CELSR1: variants seen among roughly 807,000 people sequenced by gnomAD.
CELSR1 encodes adhesion G protein-coupled receptor C1.
In CELSR1, 110 loss-of-function variants were observed where a neutral mutation model predicts 249.1. The observed-to-expected ratio is 0.44, with a 90% CI of 0.38 to 0.52. The LOEUF (loss-of-function observed/expected upper bound fraction) is 0.52. CELSR1 is among the 20% of genes least tolerant of loss of function. CELSR1 has a pLI of 0.00. For missense variants in CELSR1, 4,109 were observed against 4,296.4 expected, an observed-to-expected ratio of 0.96 and a Z score of 1.22; for synonymous variants, 2,113 against 1,900.0, an observed-to-expected ratio of 1.11 and a Z score of -2.92.
chr22:46,367,744 G>A lies in CELSR1; in HGVS notation c.8064C>T (p.Ile2688=), dbSNP rs1286309902. The part of the protein sequence containing the change: ...DALSFHYLFA[I]FSGLQGPFVL... ...CGTCACCTACCTGTAAGCCGCTGAA[G>A]ATGGCGAAGAGGTAGTGAAAGCTCA... Residue 2688 remains isoleucine (I), a synonymous_variant, in exon 28 of 35, where the codon ATC becomes ATT. Coordinates refer to ENST00000674500, the MANE Select transcript of CELSR1 (RefSeq NM_001378328.1). The A allele has an allele frequency of 1.9e-6, 3 of 1,603,092 alleles. No individual in the cohort carries two copies. In the South Asian group the frequency reaches 3.4e-5, roughly 18 times the overall value.
At chr22:46,469,408 CT>C (rs1484320231) in intron 1 of CELSR1, among the ~76,000 whole-genome samples, 1 of 152,238 alleles carries the variant, frequency 6.6e-6, no homozygotes, top group Admixed American at 6.5e-5. Flanking sequence ...CCCTGGGTCC[CT>C]CGATGGAGGA....
intron 1 of CELSR1, among the ~76,000 whole-genome samples, chr22:46,502,734 G>A (rs1322997535): frequency 6.6e-6 from 1 of 152,134 alleles, no homozygotes; most frequent in Admixed American, 6.5e-5. Context: ...GAGGTCACCA[G>A]GCAAGTGACA....
chr22:46,511,841 G>A (rs989897735), intron 1 of CELSR1, among the ~76,000 whole-genome samples: 1 of 152,064 alleles, frequency 6.6e-6, no homozygotes, highest in African/African-American at 2.4e-5. Context: ...CCACTGACGG[G>A]GGCTACCAGC....
Position 46,464,186 on chromosome 22 carries a change from AG to A in CELSR1, c.3703del (p.Leu1235CysfsTer24). On this transcript the variant is annotated frameshift_variant, in exon 2 of 35. Transcript: ENST00000674500. LOFTEE classifies it high-confidence loss of function. This position sits in a 1 kb window ranked among gnomAD's most constrained non-coding sequence, Gnocchi z 8.5. Reference protein sequence around the residue: ...ALFVEGVAAVLSTTKDDVFVF... With the variant: ...ALFVEGVAAVXSTTKDDVFVF... ...GAAGACGTCGTCCTTGGTGGTGGACAGCACGGCGGCCACCCCCTCCACGAAG... is the reference window on the plus strand; with the variant it reads ...GAAGACGTCGTCCTTGGTGGTGGACACACGGCGGCCACCCCCTCCACGAAG... 1.2e-6 allele frequency: 2 copies of A among 1,613,686 alleles called. No individual in the cohort carries two copies. The highest frequency in any genetic ancestry group is 1.7e-6 in the Non-Finnish European group (2 of 1,180,012).
intron 1 of CELSR1, among the ~76,000 whole-genome samples, chr22:46,476,821 G>A (rs2080213672): frequency 6.7e-6 from 1 of 149,982 alleles, no homozygotes; most frequent in Non-Finnish European, 1.5e-5. Flanking sequence ...GGCTTTCTCA[G>A]GTGATGAGAA....
At chr22:46,496,211 A>G (rs1466600424) in intron 1 of CELSR1, among the ~76,000 whole-genome samples, 1 of 151,572 alleles carries the variant, frequency 6.6e-6, no homozygotes, top group Admixed American at 6.6e-5. Flanking sequence ...AAAAAAAAAA[A>G]AAAAAAATTG....
rs184834483 is a variant in CELSR1, at chr22:46,454,278, A to G, written c.4183+9429T>C. On this transcript the variant is annotated intron_variant, in intron 2 of 34. Transcript: ENST00000674500. This position sits in a 1 kb window ranked among gnomAD's most constrained non-coding sequence, Gnocchi z 5.1. ...GAATGCAGGGCTCCTGCCCTCCAGA[A>G]CAGTAAGAATGAATCCGTGCTGCGT... is the stretch of plus-strand genomic sequence containing the variant. 3.5e-3 allele frequency among the ~76,000 whole-genome samples: 539 copies of G among 152,348 alleles called. 18 individuals are homozygous for G. The highest frequency in any genetic ancestry group is 0.032 in the Admixed American group (487 of 15,306).
At position 46,410,183 on chromosome 22, in the gene CELSR1, A is replaced by C. The variant is rs1272783036; in HGVS notation, c.4933+215T>G. Among the ~76,000 whole-genome samples, 3 of 152,218 alleles carry C rather than the reference A, an allele frequency of 2.0e-5. No individual in the cohort carries two copies. Among genetic ancestry groups the C allele is most frequent in the Admixed American group, 1.3e-4 (2 of 15,292 alleles). On this transcript the variant is annotated intron_variant, in intron 7 of 34. Transcript: ENST00000674500. The surrounding 1 kb of genome is among the most constrained non-coding windows in gnomAD (Gnocchi z 6.8). The stretch of plus-strand genomic sequence containing the variant: ...GTTAGCTGGCTGGGCCAGCAGTGCC[A>C]AGGCAACCCCAAACTGCAGATGCAG...
chr22:46,536,942 G>C lies in CELSR1; in HGVS notation c.229C>G (p.Arg77Gly). Reference sequence around the variant, plus strand: ...GGGCGCCCCGCGCCCGAGACGCGCCGACGTCCTGCCAGCCGCCCATCGCGG... The same window carrying C: ...GGGCGCCCCGCGCCCGAGACGCGCCCACGTCCTGCCAGCCGCCCATCGCGG... The part of the protein sequence containing the change: ...VGRDGRLAGR[R>G]RVSGAGRPLP... The change falls in exon 1 of 35, where the codon CGG (arginine) becomes GGG (glycine). Residue 77 changes from arginine to glycine, a missense_variant. Around this residue, in one of 7 missense-constraint regions of CELSR1, gnomAD observed 673 missense variants for 636.8 expected, o/e 1.06. Coordinates refer to ENST00000674500, the MANE Select transcript of CELSR1 (RefSeq NM_001378328.1). The C allele has an allele frequency of 8.6e-7, 1 of 1,160,124 alleles. No homozygotes were observed. The highest frequency in any genetic ancestry group is 3.4e-5 in the South Asian group (1 of 29,468). 71.9% of individuals were successfully genotyped at this position (1,160,124 alleles called of 1,614,324 possible).
chr22:46,505,759 C>T (rs1352180930), intron 1 of CELSR1, among the ~76,000 whole-genome samples: 1 of 152,160 alleles, frequency 6.6e-6, no homozygotes, highest in African/African-American at 2.4e-5. Flanking sequence ...ACCCAGAAAG[C>T]GTTGATTTGC....
chr22:46,384,519 C>T, intron 20 of CELSR1, 24 bp downstream of exon 20: 1 of 1,570,760 alleles, frequency 6.4e-7, no homozygotes, highest in Non-Finnish European at 8.6e-7. Context: ...CCGAGGGCAG[C>T]AGCAGGTTTC....
At chr22:46,397,127 A>C (rs892639364) in intron 12 of CELSR1, among the ~76,000 whole-genome samples, 1 of 152,106 alleles carries the variant, frequency 6.6e-6, no homozygotes. Flanking sequence ...TTTATTGAGA[A>C]GAGTCTTGCT....
chr22:46,512,915 C>T lies in CELSR1; in HGVS notation c.3544+20712G>A, dbSNP rs1027440395. Reference sequence around the variant, plus strand: ...TCCTGAGTGCTGCCCCGGGTGGCCCCGCATGGCAGGCGACGTCCTCCTCCA... The same window carrying T: ...TCCTGAGTGCTGCCCCGGGTGGCCCTGCATGGCAGGCGACGTCCTCCTCCA... On this transcript the variant is annotated intron_variant, in intron 1 of 34. Transcript: ENST00000674500. The surrounding 1 kb of genome is among the most constrained non-coding windows in gnomAD (Gnocchi z 5.2). Among the ~76,000 whole-genome samples the T allele has an allele frequency of 6.6e-5, 10 of 152,328 alleles. No homozygotes were observed. Among genetic ancestry groups the T allele is most frequent in the Non-Finnish European group, 1.5e-4 (10 of 68,030 alleles).
rs977907649 is a variant in CELSR1, at chr22:46,393,372, G to A, written c.5964+770C>T. On this transcript the variant is annotated intron_variant, in intron 14 of 34. Transcript: ENST00000674500. The surrounding 1 kb of genome is among the most constrained non-coding windows in gnomAD (Gnocchi z 4.1). The stretch of plus-strand genomic sequence containing the variant: ...TTAGGACTGACCGCCCTGGACAGGC[G>A]TGGGGCATAACGCACTTAGTGACAC... 2.6e-5 allele frequency among the ~76,000 whole-genome samples: 4 copies of A among 152,240 alleles called. No homozygotes were observed. The highest frequency in any genetic ancestry group is 5.9e-5 in the Non-Finnish European group (4 of 68,030).
rs1028171128 is a variant in CELSR1 at position 46,446,791 on chromosome 22, T to G, written c.4184-7380A>C. The stretch of plus-strand genomic sequence containing the variant: ...TAGTGCAGGAAAGGTGTTGATGAAA[T>G]GAATTAATTTTATAGTTAAAACATC... On this transcript the variant is annotated intron_variant, in intron 2 of 34. Transcript: ENST00000674500. The surrounding 1 kb of genome is among the most constrained non-coding windows in gnomAD (Gnocchi z 5.5). Among the ~76,000 whole-genome samples, 1 of 152,162 alleles carries G rather than the reference T, an allele frequency of 6.6e-6. No individual in the cohort carries two copies. The highest frequency in any genetic ancestry group is 1.5e-5 in the Non-Finnish European group (1 of 68,034).
chr22:46,519,552 C>T (rs577047969), intron 1 of CELSR1, among the ~76,000 whole-genome samples: 1 of 152,356 alleles, frequency 6.6e-6, no homozygotes, highest in Non-Finnish European at 1.5e-5. Flanking sequence ...GTTGGTAGAA[C>T]CAGGCAGAGC....
chr22:46,433,402 G>T lies in CELSR1; in HGVS notation c.4602C>A (p.Tyr1534Ter). ...DGRWHSVQVQ[Y>*]YNKPNIGHLG... is the part of the protein sequence containing the mutation. ...GTGGGGCCCATCTTACCTTGTTGTA[G>T]TACTGCACCTGCACAGAGTGCCACC... is the stretch of plus-strand genomic sequence containing the variant. The change falls in exon 5 of 35, where the codon TAC becomes TAA. Residue 1534 changes from tyrosine to a stop codon, truncating the protein, a stop_gained. Transcript: ENST00000674500. LOFTEE classifies it high-confidence loss of function. This position sits in a 1 kb window ranked among gnomAD's most constrained non-coding sequence, Gnocchi z 5.7. 6.2e-7 allele frequency: 1 copy of T among 1,613,514 alleles called. No individual in the cohort carries two copies. Among genetic ancestry groups the T allele is most frequent in the Non-Finnish European group, 8.5e-7 (1 of 1,179,632 alleles).
Position 46,517,412 on chromosome 22 carries a change from C to T in CELSR1, c.3544+16215G>A, listed in dbSNP as rs999433611. ...TACGGGGTCATCCCGGCCTGGTTTT[C>T]CCCCAAAACAGACTCCATCTGGCAC... On this transcript the variant is annotated intron_variant, in intron 1 of 34. Coordinates refer to ENST00000674500, the MANE Select transcript of CELSR1 (RefSeq NM_001378328.1). The surrounding 1 kb of genome is among the most constrained non-coding windows in gnomAD (Gnocchi z 5.4). 2.0e-5 allele frequency among the ~76,000 whole-genome samples: 3 copies of T among 152,188 alleles called. No individual in the cohort carries two copies. The highest frequency in any genetic ancestry group is 1.3e-4 in the Admixed American group (2 of 15,288).
rs1307843471 is a variant in CELSR1 at position 46,428,384 on chromosome 22, G to A, written c.4611+5009C>T. On this transcript the variant is annotated intron_variant, in intron 5 of 34. Transcript: ENST00000674500. This position sits in a 1 kb window ranked among gnomAD's most constrained non-coding sequence, Gnocchi z 5.7. ...ACAGCATCGTCCCCGGCCAGGTGAC[G>A]GATGCCGAGTGCCCCTTGGAGACCA... is the stretch of plus-strand genomic sequence containing the variant. Among the ~76,000 whole-genome samples, 5 of 152,188 alleles carry A rather than the reference G, an allele frequency of 3.3e-5. No homozygotes were observed. Among genetic ancestry groups the A allele is most frequent in the African/African-American group, 7.2e-5 (3 of 41,456 alleles).
Sources: allele counts gnomAD v4.1 joint callset (sites outside exome capture counted in the v4.1 genomes callset), GRCh38; gene constraint gnomAD v4.1.1; regional missense constraint gnomAD v4.1.1; non-coding constraint Gnocchi (gnomAD v3.1); transcripts MANE v1.5; gene names NCBI Gene and HGNC (gene_info 2026-07-23, HGNC 2026-07-21).